SGCZ: variants seen among roughly 807,000 people sequenced by gnomAD.
SGCZ encodes the protein sarcoglycan zeta.
In SGCZ, 40 loss-of-function variants were observed where a neutral mutation model predicts 41.3. The ratio of observed to expected loss-of-function variants is 0.97; its 90% CI spans 0.75 to 1.26. The LOEUF (loss-of-function observed/expected upper bound fraction) is 1.26, where lower values mean the gene tolerates loss of function less well. SGCZ is among the 50% of genes most tolerant of loss of function. The pLI is 0.00. For synonymous variants in SGCZ, 206 were observed against 137.5 expected, an observed-to-expected ratio of 1.50 and a Z score of -3.49; for missense variants, 552 against 369.8, an observed-to-expected ratio of 1.49 and a Z score of -4.04.
At chr8:14,839,833 G>T (rs767351062) in intron 1 of SGCZ, among the ~76,000 whole-genome samples, 24 of 152,088 alleles carry the variant, frequency 1.6e-4, no homozygotes, top group Non-Finnish European at 2.4e-4. Flanking sequence ...CATCTAGCCT[G>T]TCTTATTTAC....
chr8:14,523,696 T>G (rs1367023367), intron 2 of SGCZ, among the ~76,000 whole-genome samples: 2 of 152,130 alleles, frequency 1.3e-5, no homozygotes, highest in Admixed American at 1.3e-4. Flanking sequence ...TTGTTGAATA[T>G]GTAAGTATAT....
At chr8:15,150,036 T>C (rs2117015799) in intron 1 of SGCZ, among the ~76,000 whole-genome samples, 1 of 152,246 alleles carries the variant, frequency 6.6e-6, no homozygotes, top group South Asian at 2.1e-4. Flanking sequence ...AAGCAAGCTG[T>C]CAAACAGCCA....
rs141022359 is a variant in SGCZ, at chr8:14,219,394, G to C, written c.424+18198C>G. Among the ~76,000 whole-genome samples, 15 of 152,294 alleles carry C rather than the reference G, an allele frequency of 9.8e-5. No individual in the cohort carries two copies. The East Asian group carries it at 2.9e-3, about 29-fold the overall frequency. ...TGCCTGCAGCCGGTATTGGTCAACAGAAAGGGCCAAATTCTAATCCAGACA... is the reference window on the plus strand; with the variant it reads ...TGCCTGCAGCCGGTATTGGTCAACACAAAGGGCCAAATTCTAATCCAGACA... On this transcript the variant is annotated intron_variant, in intron 4 of 7. Coordinates refer to ENST00000382080, the MANE Select transcript of SGCZ (RefSeq NM_139167.4).
intron 2 of SGCZ, among the ~76,000 whole-genome samples, chr8:14,407,456 G>T (rs1327863534): frequency 6.6e-6 from 1 of 152,008 alleles, no homozygotes; most frequent in African/African-American, 2.4e-5. Context: ...GGTGGATTCA[G>T]GATCAGGACA....
chr8:14,420,956 T>C (rs1459045675), intron 2 of SGCZ, among the ~76,000 whole-genome samples: 1 of 152,160 alleles, frequency 6.6e-6, no homozygotes, highest in African/African-American at 2.4e-5. Flanking sequence ...CTTTACAATA[T>C]GTCTTTAGAG....
At chr8:14,248,180 T>C (rs923957456) in intron 3 of SGCZ, among the ~76,000 whole-genome samples, 1 of 152,192 alleles carries the variant, frequency 6.6e-6, no homozygotes, top group Non-Finnish European at 1.5e-5. Flanking sequence ...AACCAAGCAC[T>C]GTACAAACAT....
rs577664935 is a variant in SGCZ at position 14,992,335 on chromosome 8, A to G, written c.39+245250T>C. Among the ~76,000 whole-genome samples, 7 of 150,372 alleles carry G rather than the reference A, an allele frequency of 4.7e-5. No homozygotes were observed. The South Asian group carries it at 1.1e-3, about 23-fold the overall frequency. ...TATTTACCCCTCACCCATCCTCCTC[A>G]TCCAATCTACTCCCAAATCTACTCC... On this transcript the variant is annotated intron_variant, in intron 1 of 7. Transcript: ENST00000382080.
chr8:14,840,487 G>A (rs1040807299), intron 1 of SGCZ, among the ~76,000 whole-genome samples: 3 of 152,034 alleles, frequency 2.0e-5, no homozygotes, highest in East Asian at 1.9e-4. Flanking sequence ...GTGATTCACA[G>A]TACTTCATCA....
At chr8:14,863,308 A>C (rs2130684824) in intron 1 of SGCZ, among the ~76,000 whole-genome samples, 1 of 152,224 alleles carries the variant, frequency 6.6e-6, no homozygotes, top group African/African-American at 2.4e-5. Context: ...TTTTATTAAG[A>C]TGATTTTTAA....
At chr8:14,232,238 C>G (rs1465787483) in intron 4 of SGCZ, among the ~76,000 whole-genome samples, 6 of 151,712 alleles carry the variant, frequency 4.0e-5, no homozygotes, top group Non-Finnish European at 7.4e-5. Flanking sequence ...TTATTGTGGC[C>G]CATCTGATTA....
At chr8:14,588,641 A>G (rs1490029850) in intron 1 of SGCZ, among the ~76,000 whole-genome samples, 1 of 152,180 alleles carries the variant, frequency 6.6e-6, no homozygotes, top group Non-Finnish European at 1.5e-5. Flanking sequence ...ATGGCAAAAA[A>G]GCAAGAAATA....
chr8:14,209,257 A>G (rs377234183), intron 4 of SGCZ, among the ~76,000 whole-genome samples: 3 of 152,214 alleles, frequency 2.0e-5, no homozygotes, highest in South Asian at 2.1e-4. Context: ...AAACCTGCCT[A>G]TAAAATCTGG....
intron 2 of SGCZ, among the ~76,000 whole-genome samples, chr8:14,341,694 C>T (rs949631061): frequency 2.6e-5 from 4 of 152,128 alleles, no homozygotes; most frequent in African/African-American, 9.7e-5. Flanking sequence ...GTAATTGAAT[C>T]ATGGGGGCCA....
chr8:15,004,338 A>G (rs918665885), intron 1 of SGCZ, among the ~76,000 whole-genome samples: 3 of 152,162 alleles, frequency 2.0e-5, no homozygotes, highest in African/African-American at 7.2e-5. Context: ...ATGTGCACCA[A>G]CTAATAGTAA....
At chr8:14,311,119 C>T (rs1275849822) in intron 3 of SGCZ, among the ~76,000 whole-genome samples, 1 of 151,884 alleles carries the variant, frequency 6.6e-6, no homozygotes, top group East Asian at 1.9e-4. Context: ...AATTCCAATC[C>T]AACCATTCCT....
At chr8:14,159,724 G>A (rs952363333) in intron 5 of SGCZ, among the ~76,000 whole-genome samples, 12 of 152,108 alleles carry the variant, frequency 7.9e-5, no homozygotes, top group African/African-American at 2.4e-4. Flanking sequence ...TCCTGCTGCC[G>A]GAGTGTTACC....
At chr8:14,235,799 C>T (rs939901574) in intron 4 of SGCZ, among the ~76,000 whole-genome samples, 16 of 152,158 alleles carry the variant, frequency 1.1e-4, no homozygotes, top group Admixed American at 9.2e-4. Flanking sequence ...ATTCTCCAGC[C>T]TCAGCCTCCT....
At chr8:14,981,633 G>T (rs1801664653) in intron 1 of SGCZ, among the ~76,000 whole-genome samples, 1 of 151,950 alleles carries the variant, frequency 6.6e-6, no homozygotes, top group Non-Finnish European at 1.5e-5. Context: ...TGTTCATGTG[G>T]TCCAACTCAC....
intron 1 of SGCZ, among the ~76,000 whole-genome samples, chr8:15,026,620 A>C (rs1803466671): frequency 6.6e-6 from 1 of 152,064 alleles, no homozygotes; most frequent in African/African-American, 2.4e-5. Flanking sequence ...TATAAAAGGG[A>C]CTCGATTGCC....
Sources: gnomAD v4.1 joint callset for allele counts (sites outside exome capture counted in the v4.1 genomes callset) on GRCh38, gnomAD v4.1.1 for gene constraint, MANE v1.5 for transcripts, NCBI Gene and HGNC (gene_info 2026-07-23, HGNC 2026-07-21) for gene names.